The following TPGS2 variants were observed in gnomAD, a reference collection of about 807,000 sequenced individuals.
The protein encoded by TPGS2 is polyglutamylase subunit 2.
A neutral mutation model predicts 31.1 loss-of-function variants in TPGS2; 26 were observed. The observed-to-expected ratio is 0.84, with a 90% CI of 0.61 to 1.16. The LOEUF (loss-of-function observed/expected upper bound fraction) is 1.16. TPGS2 is among the 50% of genes most tolerant of loss of function. TPGS2 has a pLI of 0.00. For synonymous variants in TPGS2, 130 were observed against 136.6 expected (o/e 0.95, Z 0.34); for missense variants, 351 against 363.8 (o/e 0.96, Z 0.29).
downstream of TPGS2, among the ~76,000 whole-genome samples, chr18:36,790,427 G>T (rs552645793): frequency 6.6e-6 from 1 of 152,286 alleles, no homozygotes; most frequent in South Asian, 2.1e-4. Context: ...CATAATGCTC[G>T]CTACATTTAT....
intron 4 of TPGS2, among the ~76,000 whole-genome samples, chr18:36,803,829 T>TTAAG (rs1477937575): frequency 3.9e-5 from 6 of 152,218 alleles, no homozygotes; most frequent in African/African-American, 2.4e-5. Context: ...TTAAATCTCC[T>TTAAG]TAAGTATTCT....
At chr18:36,801,430 T>G (rs2044810516) in intron 4 of TPGS2, among the ~76,000 whole-genome samples, 1 of 152,022 alleles carries the variant, frequency 6.6e-6, no homozygotes. Context: ...ACCTCCTGGG[T>G]TCAAGCAATC....
intron 1 of TPGS2, 113 bp downstream of exon 1, chr18:36,828,570 G>C: frequency 8.7e-7 from 1 of 1,151,732 alleles, no homozygotes. Context: ...TCCCAGCAGC[G>C]ATGTCCACTC....
downstream of TPGS2, among the ~76,000 whole-genome samples, chr18:36,791,947 G>A (rs2044324396): frequency 2.0e-5 from 3 of 151,104 alleles, no homozygotes; most frequent in African/African-American, 7.3e-5. Flanking sequence ...AGTATTGCTT[G>A]TGCCCAGGAA....
chr18:36,807,216 C>T (rs1189049537), intron 3 of TPGS2, among the ~76,000 whole-genome samples: 2 of 152,122 alleles, frequency 1.3e-5, no homozygotes, highest in Admixed American at 1.3e-4. Flanking sequence ...AGAGTCTTCA[C>T]CTAAATGTTC....
At position 36,828,960 on chromosome 18, in the gene TPGS2, C is replaced by A. The variant is rs936607715; in HGVS notation, c.-193G>T. The A allele has an allele frequency of 1.8e-5, 18 of 999,286 alleles. No individual in the cohort carries two copies. In the Middle Eastern group the frequency reaches 9.9e-4, roughly 55 times the overall value. 61.9% of individuals were successfully genotyped at this position (999,286 alleles called of 1,614,324 possible). On this transcript the variant is annotated 5_prime_UTR_variant, in exon 1 of 7. Transcript: ENST00000334295. ...GGGCGCCGGTTCCCGCGGCCCCGCC[C>A]GGTGCCCCACACCGCACCTCCGGGA...
At chr18:36,801,116 T>G (rs1399244188) in intron 4 of TPGS2, among the ~76,000 whole-genome samples, 1 of 152,194 alleles carries the variant, frequency 6.6e-6, no homozygotes, top group East Asian at 1.9e-4. Context: ...GGATAGGCAT[T>G]TGCCTACCAT....
downstream of TPGS2, among the ~76,000 whole-genome samples, chr18:36,792,914 C>T (rs2044365209): frequency 6.6e-6 from 1 of 152,228 alleles, no homozygotes; most frequent in South Asian, 2.1e-4. Context: ...AGCATAATGT[C>T]TTTTTCCTGG....
intron 2 of TPGS2, chr18:36,817,814 T>C (rs2045723459): frequency 6.6e-6 from 1 of 152,220 alleles, no homozygotes. Context: ...AGGGTTATTA[T>C]TCATTTAGTA....
intron 1 of TPGS2, among the ~76,000 whole-genome samples, chr18:36,825,432 CAAAAAAA>C (rs60365266): frequency 2.6e-5 from 2 of 77,434 alleles, no homozygotes; most frequent in South Asian, 5.0e-4. Context: ...ACTCCGTCTC[CAAAAAAA>C]AAAAAAAAAA....
chr18:36,795,099 C>T lies in TPGS2; in HGVS notation c.*1706G>A. The T allele has an allele frequency of 1.0e-6, 1 of 985,412 alleles. No individual in the cohort carries two copies. The highest frequency in any genetic ancestry group is 1.2e-6 in the Non-Finnish European group (1 of 829,932). 61.0% of individuals were successfully genotyped at this position (985,412 alleles called of 1,614,324 possible). A position where few individuals can be genotyped will look rare whatever the true frequency, so the allele number is the denominator to read the frequency against. On this transcript the variant is annotated 3_prime_UTR_variant, in exon 7 of 7. Coordinates refer to ENST00000334295, the MANE Select transcript of TPGS2 (RefSeq NM_015476.4). The stretch of plus-strand genomic sequence containing the variant: ...CTGATCCTTGAAGGCTAACTCTTCA[C>T]CTTGGTTTTCCTCAGGGGCTATGGA...
chr18:36,785,201 A>G (rs2044099926), intron 6 of TPGS2, among the ~76,000 whole-genome samples: 1 of 152,304 alleles, frequency 6.6e-6, no homozygotes, highest in East Asian at 1.9e-4. Context: ...CAGGAGGCTG[A>G]GACAGGAGAA....
chr18:36,780,494 A>C (rs568665247), downstream of TPGS2, among the ~76,000 whole-genome samples: 1 of 152,378 alleles, frequency 6.6e-6, no homozygotes, highest in South Asian at 2.1e-4. Context: ...AGAGCCTCAG[A>C]ATCGCATGCT....
At chr18:36,816,442 G>A (rs2150662720) in intron 2 of TPGS2, among the ~76,000 whole-genome samples, 1 of 152,308 alleles carries the variant, frequency 6.6e-6, no homozygotes, top group Middle Eastern at 3.4e-3. Context: ...AGGACTGTAT[G>A]GTACAAGACA....
intron 6 of TPGS2, chr18:36,786,892 G>A: frequency 2.4e-6 from 3 of 1,234,354 alleles, no homozygotes; most frequent in Non-Finnish European, 2.0e-6. Flanking sequence ...CGACACTGTT[G>A]TTCCCATGCT....
At chr18:36,791,131 C>A (rs2044295653), downstream of TPGS2, among the ~76,000 whole-genome samples, 2 of 152,168 alleles carry the variant, frequency 1.3e-5, no homozygotes, top group African/African-American at 4.8e-5. Context: ...CCTCCTCCAG[C>A]CATGTAAGAT....
At chr18:36,788,333 G>A (rs1258037701) in intron 6 of TPGS2, among the ~76,000 whole-genome samples, 2 of 152,156 alleles carry the variant, frequency 1.3e-5, no homozygotes, top group South Asian at 2.1e-4. Flanking sequence ...CTAGAACCAC[G>A]TGTGGTAGCA....
chr18:36,820,604 A>G (rs2045852972), intron 1 of TPGS2, among the ~76,000 whole-genome samples: 1 of 152,218 alleles, frequency 6.6e-6, no homozygotes. Flanking sequence ...ATCTTTCAAC[A>G]ATCTTGTAAA....
chr18:36,803,438 T>C (rs2044939371), intron 4 of TPGS2, among the ~76,000 whole-genome samples: 2 of 152,174 alleles, frequency 1.3e-5, no homozygotes, highest in African/African-American at 4.8e-5. Context: ...TAGAAGCTTG[T>C]AATTTTCTCC....
Sources: allele counts gnomAD v4.1 joint callset (sites outside exome capture counted in the v4.1 genomes callset), GRCh38; gene constraint gnomAD v4.1.1; transcripts MANE v1.5; gene names NCBI Gene and HGNC (gene_info 2026-07-23, HGNC 2026-07-21).